HS3ST3A1: variants seen among roughly 807,000 people sequenced by gnomAD.
HS3ST3A1 encodes heparan sulfate glucosamine 3-O-sulfotransferase 3A1.
HS3ST3A1 carries 19 observed loss-of-function variants against 25.7 expected under a neutral mutation model. The observed-to-expected ratio is 0.74, with a 90% CI of 0.52 to 1.08. The LOEUF is 1.08. Among genes scored for constraint, HS3ST3A1 ranks in the 50% least tolerant of loss-of-function variants. HS3ST3A1 has a pLI of 0.00. For synonymous variants in HS3ST3A1, 226 were observed against 278.6 expected, an observed-to-expected ratio of 0.81 and a Z score of 1.88; for missense variants, 459 against 594.3, an observed-to-expected ratio of 0.77 and a Z score of 2.37.
chr17:13,509,004 C>A (rs1371163069), intron 1 of HS3ST3A1, among the ~76,000 whole-genome samples: 1 of 151,616 alleles, frequency 6.6e-6, no homozygotes, highest in Non-Finnish European at 1.5e-5. Context: ...TCTTGCCTCA[C>A]CCTGGTCCTG....
At chr17:13,517,487 G>A (rs1256199757) in intron 1 of HS3ST3A1, among the ~76,000 whole-genome samples, 1 of 152,058 alleles carries the variant, frequency 6.6e-6, no homozygotes, top group African/African-American at 2.4e-5. Context: ...TTTAGAAAAA[G>A]CTTCACAAAT....
At chr17:13,569,166 CA>C (rs943157171) in intron 1 of HS3ST3A1, among the ~76,000 whole-genome samples, 19 of 152,110 alleles carry the variant, frequency 1.2e-4, no homozygotes, top group African/African-American at 4.1e-4. Context: ...GCTTTCAACC[CA>C]GGTCTTTTCT....
chr17:13,593,952 T>G (rs1428819736), intron 1 of HS3ST3A1, among the ~76,000 whole-genome samples: 3 of 152,202 alleles, frequency 2.0e-5, no homozygotes, highest in African/African-American at 7.2e-5. Context: ...GGCACCCTCG[T>G]GTTTACTTGT....
intron 1 of HS3ST3A1, among the ~76,000 whole-genome samples, chr17:13,522,351 T>G (rs1906275255): frequency 6.6e-6 from 1 of 152,224 alleles, no homozygotes. Context: ...CTATTTCTCT[T>G]CAATATTGTA....
intron 1 of HS3ST3A1, among the ~76,000 whole-genome samples, chr17:13,498,539 A>G (rs1419577381): frequency 6.6e-6 from 1 of 152,214 alleles, no homozygotes; most frequent in Non-Finnish European, 1.5e-5. Flanking sequence ...GTCCATAAAG[A>G]AATTATCTGA....
At position 13,505,268 on chromosome 17, in the gene HS3ST3A1, G is replaced by A. The variant is rs181424588; in HGVS notation, c.600-8450C>T. Among the ~76,000 whole-genome samples, 908 of 152,274 alleles carry A rather than the reference G, an allele frequency of 6.0e-3. 8 individuals are homozygous for A. Among genetic ancestry groups the A allele is most frequent in the Non-Finnish European group, 0.011 (735 of 68,026 alleles). ...CAAATTCGACAGAGGGAAAACATGG[G>A]AACCTGAGAGAGTTATCCAGAAAGT... On this transcript the variant is annotated intron_variant, in intron 1 of 1. Coordinates refer to ENST00000284110, the MANE Select transcript of HS3ST3A1 (RefSeq NM_006042.3).
At chr17:13,557,392 A>G (rs770469835) in intron 1 of HS3ST3A1, among the ~76,000 whole-genome samples, 55 of 152,310 alleles carry the variant, frequency 3.6e-4, no homozygotes, top group Admixed American at 9.2e-4. Context: ...AAAGAAAAAG[A>G]CAACCTCTAA....
At chr17:13,562,751 A>AC (rs1277330001) in intron 1 of HS3ST3A1, among the ~76,000 whole-genome samples, 1 of 152,100 alleles carries the variant, frequency 6.6e-6, no homozygotes, top group African/African-American at 2.4e-5. Context: ...CCAGAGTCAA[A>AC]TATCAAGGCA....
chr17:13,535,248 C>T (rs1364889891), intron 1 of HS3ST3A1, among the ~76,000 whole-genome samples: 1 of 152,114 alleles, frequency 6.6e-6, no homozygotes. Context: ...AGTGCTATAC[C>T]TTGTGCCTGA....
intron 1 of HS3ST3A1, among the ~76,000 whole-genome samples, chr17:13,570,036 G>A (rs540773968): frequency 1.3e-4 from 20 of 152,288 alleles, no homozygotes; most frequent in African/African-American, 4.8e-4. Flanking sequence ...GGAGTTAGCT[G>A]GTTAACAAAC....
In HS3ST3A1 at chr17:13,601,136, C is replaced by G; in HGVS notation, c.-7G>C. 6.6e-7 allele frequency: 1 copy of G among 1,518,612 alleles called. No individual in the cohort carries two copies. 94.1% of individuals were successfully genotyped at this position (1,518,612 alleles called of 1,614,324 possible). A position where few individuals can be genotyped will look rare whatever the true frequency, so the allele number is the denominator to read the frequency against. ...CCGGGCCCGGAGGGGCCATCCTAGCCGGAGGCGACGTCGGGCAACGCGCCG... is the reference window on the plus strand; with the variant it reads ...CCGGGCCCGGAGGGGCCATCCTAGCGGGAGGCGACGTCGGGCAACGCGCCG... On this transcript the variant is annotated 5_prime_UTR_variant, in exon 1 of 2. Coordinates refer to ENST00000284110, the MANE Select transcript of HS3ST3A1 (RefSeq NM_006042.3).
intron 1 of HS3ST3A1, among the ~76,000 whole-genome samples, chr17:13,503,477 A>G (rs1905555210): frequency 6.6e-6 from 1 of 152,180 alleles, no homozygotes; most frequent in Admixed American, 6.5e-5. Flanking sequence ...GAGGTGATGG[A>G]TATGCTAACT....
chr17:13,528,452 C>A (rs969795526), intron 1 of HS3ST3A1, among the ~76,000 whole-genome samples: 22 of 152,188 alleles, frequency 1.4e-4, no homozygotes, highest in African/African-American at 5.1e-4. Flanking sequence ...AATAGTGGAA[C>A]AAGGTGGTGA....
intron 1 of HS3ST3A1, among the ~76,000 whole-genome samples, chr17:13,547,860 T>C (rs1347963339): frequency 1.3e-5 from 2 of 149,150 alleles, no homozygotes; most frequent in African/African-American, 5.0e-5. Context: ...GGATGCTAAC[T>C]CCAGGTAGAT....
chr17:13,598,482 T>G (rs1908639332), intron 1 of HS3ST3A1, among the ~76,000 whole-genome samples: 1 of 152,180 alleles, frequency 6.6e-6, no homozygotes, highest in Non-Finnish European at 1.5e-5. Flanking sequence ...AACAAAGACA[T>G]TGCTCCAACA....
At chr17:13,574,761 A>ACACACAC (rs759280619) in intron 1 of HS3ST3A1, among the ~76,000 whole-genome samples, 1 of 103,762 alleles carries the variant, frequency 9.6e-6, no homozygotes, top group South Asian at 2.5e-4. Flanking sequence ...CACACACACA[A>ACACACAC]AAAACACACA....
chr17:13,558,624 C>T (rs1029453437), intron 1 of HS3ST3A1, among the ~76,000 whole-genome samples: 6 of 152,224 alleles, frequency 3.9e-5, no homozygotes, highest in South Asian at 2.1e-4. Flanking sequence ...TTCTTTAAAA[C>T]GATCTCTATC....
chr17:13,520,114 G>A (rs1028757980), intron 1 of HS3ST3A1, among the ~76,000 whole-genome samples: 8 of 152,146 alleles, frequency 5.3e-5, no homozygotes, highest in Non-Finnish European at 1.2e-4. Context: ...ATTAAATTCA[G>A]TTGCTTGCCA....
In HS3ST3A1 at chr17:13,527,586, C is replaced by T. The variant is rs1598414873; in HGVS notation, c.600-30768G>A. Among the ~76,000 whole-genome samples the T allele has an allele frequency of 2.0e-5, 3 of 152,240 alleles. No individual in the cohort carries two copies. In the East Asian group the frequency reaches 5.8e-4, roughly 29 times the overall value. ...CTCCCCACAGCACAAAGATTGCTCA[C>T]CACAAAGTGCCAAGAGCCCAGGTCT... On this transcript the variant is annotated intron_variant, in intron 1 of 1. Transcript: ENST00000284110.
Sources: allele counts gnomAD v4.1 joint callset (sites outside exome capture counted in the v4.1 genomes callset), GRCh38; gene constraint gnomAD v4.1.1; transcripts MANE v1.5; gene names NCBI Gene and HGNC (gene_info 2026-07-23, HGNC 2026-07-21).